Variants in SPAG16 observed in about 807,000 individuals in gnomAD.
The protein encoded by SPAG16 is sperm-associated antigen 16 protein.
Under a neutral mutation model 80.4 loss-of-function variants are expected in SPAG16, and 86 were observed. That is an observed-to-expected ratio of 1.07 (90% CI 0.90 to 1.28). SPAG16 has a LOEUF of 1.28. Among genes scored for constraint, SPAG16 ranks in the 50% most tolerant of loss-of-function variants. The probability of loss-of-function intolerance (pLI) is 0.00; values close to 1 mark genes in which losing one functional copy is unlikely to be tolerated. For missense variants in SPAG16, 870 were observed against 765.3 expected, an observed-to-expected ratio of 1.14 and a Z score of -1.61; for synonymous variants, 294 against 265.9, an observed-to-expected ratio of 1.11 and a Z score of -1.03.
chr2:213,709,570 C>CA (rs1038882231), intron 10 of SPAG16, among the ~76,000 whole-genome samples: 21 of 151,502 alleles, frequency 1.4e-4, no homozygotes, highest in Non-Finnish European at 1.2e-4. Context: ...ACACATACTA[C>CA]AAAAAATTCA....
At chr2:214,078,466 G>A (rs1292221262) in intron 13 of SPAG16, among the ~76,000 whole-genome samples, 4 of 149,860 alleles carry the variant, frequency 2.7e-5, no homozygotes, top group East Asian at 3.9e-4. Flanking sequence ...TGAGGTGGAA[G>A]GATTTCTTGA....
intron 10 of SPAG16, among the ~76,000 whole-genome samples, chr2:213,654,155 G>A (rs962879943): frequency 6.6e-6 from 1 of 151,988 alleles, no homozygotes; most frequent in Non-Finnish European, 1.5e-5. Context: ...CTCTTAAATT[G>A]CTTTAATTCA....
At chr2:213,453,042 G>T (rs2071794732) in intron 9 of SPAG16, among the ~76,000 whole-genome samples, 1 of 152,150 alleles carries the variant, frequency 6.6e-6, no homozygotes, top group Non-Finnish European at 1.5e-5. Context: ...TCTTAGGGAA[G>T]TTTTTCCTCT....
At chr2:213,910,865 A>C in intron 11 of SPAG16, among the ~76,000 whole-genome samples, 1 of 152,238 alleles carries the variant, frequency 6.6e-6, no homozygotes, top group East Asian at 1.9e-4. Flanking sequence ...TTTCCAAATA[A>C]AGACAGTAAG....
intron 10 of SPAG16, among the ~76,000 whole-genome samples, chr2:213,542,332 G>A (rs1054858772): frequency 2.6e-5 from 4 of 151,952 alleles, no homozygotes; most frequent in Admixed American, 6.6e-5. Flanking sequence ...TTTCTTCAGT[G>A]TTTTCTTATT....
At chr2:213,331,361 T>A (rs1233482910) in intron 5 of SPAG16, among the ~76,000 whole-genome samples, 1 of 152,216 alleles carries the variant, frequency 6.6e-6, no homozygotes, top group Non-Finnish European at 1.5e-5. Flanking sequence ...CATTATTTAA[T>A]GATAGAGCAG....
chr2:214,172,044 CAT>C (rs2125636450), intron 15 of SPAG16, among the ~76,000 whole-genome samples: 1 of 151,726 alleles, frequency 6.6e-6, no homozygotes, highest in South Asian at 2.1e-4. Flanking sequence ...AATTGCATCT[CAT>C]GTTACACATT....
intron 10 of SPAG16, among the ~76,000 whole-genome samples, chr2:213,794,341 T>G (rs1248752061): frequency 6.6e-6 from 1 of 152,122 alleles, no homozygotes; most frequent in Non-Finnish European, 1.5e-5. Context: ...TTGTACAGTT[T>G]TAATATATAA....
At chr2:214,110,866 C>T (rs576100015) in intron 14 of SPAG16, among the ~76,000 whole-genome samples, 2 of 152,296 alleles carry the variant, frequency 1.3e-5, no homozygotes, top group African/African-American at 4.8e-5. Context: ...TTTTGATTTG[C>T]ATTTCTCTGA....
At chr2:213,640,410 G>A (rs1002348678) in intron 10 of SPAG16, among the ~76,000 whole-genome samples, 1 of 152,160 alleles carries the variant, frequency 6.6e-6, no homozygotes, top group Non-Finnish European at 1.5e-5. Context: ...AGGAGCTGCT[G>A]TTCAGATTAT....
chr2:213,679,516 C>G (rs2064272610), intron 10 of SPAG16, among the ~76,000 whole-genome samples: 1 of 149,072 alleles, frequency 6.7e-6, no homozygotes, highest in South Asian at 2.1e-4. Flanking sequence ...TACCAGATGC[C>G]TTGAAACTGT....
At chr2:214,115,751 G>A (rs1042711410) in intron 14 of SPAG16, among the ~76,000 whole-genome samples, 4 of 151,904 alleles carry the variant, frequency 2.6e-5, no homozygotes, top group African/African-American at 9.7e-5. Context: ...GGTCTTGTGT[G>A]CCGGTAGTCC....
intron 11 of SPAG16, among the ~76,000 whole-genome samples, chr2:213,881,957 T>A (rs942587810): frequency 6.6e-6 from 1 of 152,200 alleles, no homozygotes; most frequent in South Asian, 2.1e-4. Flanking sequence ...CAGTATGAGG[T>A]TGGCTGTTGG....
chr2:214,250,747 TATATATATATAGAG>T (rs1189629167), intron 15 of SPAG16, among the ~76,000 whole-genome samples: 1,347 of 90,414 alleles, frequency 0.015, 22 homozygotes, highest in African/African-American at 0.04. Context: ...TATATATATA[TATATATATATAGAG>T]AGAGAGAGAG....
rs182960866 is a variant in SPAG16, at chr2:213,444,562, G to A, written c.943-45401G>A. Among the ~76,000 whole-genome samples, 8 of 152,270 alleles carry A rather than the reference G, an allele frequency of 5.3e-5. No homozygotes were observed. The East Asian group carries it at 1.4e-3, about 26-fold the overall frequency. Reference sequence around the variant, plus strand: ...AAACTTTTATATTTTGATAGGGATTGCATTAAATTTTGGGTAGTATGGGCA... The same window carrying A: ...AAACTTTTATATTTTGATAGGGATTACATTAAATTTTGGGTAGTATGGGCA... On this transcript the variant is annotated intron_variant, in intron 9 of 15. Coordinates refer to ENST00000331683, the MANE Select transcript of SPAG16 (RefSeq NM_024532.5).
At chr2:213,895,346 A>G (rs1237363054) in intron 11 of SPAG16, among the ~76,000 whole-genome samples, 1 of 151,982 alleles carries the variant, frequency 6.6e-6, no homozygotes, top group Non-Finnish European at 1.5e-5. Flanking sequence ...AATACTACCC[A>G]AAGTGATCTA....
chr2:214,134,271 C>T (rs1157726539), intron 14 of SPAG16, among the ~76,000 whole-genome samples: 1 of 152,150 alleles, frequency 6.6e-6, no homozygotes, highest in Non-Finnish European at 1.5e-5. Flanking sequence ...CTTGATCTTG[C>T]TCTTCCCTCT....
At chr2:213,386,417 T>C (rs1017353745) in intron 9 of SPAG16, among the ~76,000 whole-genome samples, 15 of 151,154 alleles carry the variant, frequency 9.9e-5, no homozygotes, top group African/African-American at 3.7e-4. Context: ...CCATTTTCCT[T>C]TAATTCTCAC....
At chr2:213,876,966 A>G (rs1307354193) in intron 11 of SPAG16, among the ~76,000 whole-genome samples, 2 of 152,152 alleles carry the variant, frequency 1.3e-5, no homozygotes, top group East Asian at 3.9e-4. Flanking sequence ...AGAAGAGAAA[A>G]CATGCTTAGC....
Sources: allele counts gnomAD v4.1 joint callset (sites outside exome capture counted in the v4.1 genomes callset), GRCh38; gene constraint gnomAD v4.1.1; transcripts MANE v1.5; gene names NCBI Gene and HGNC (gene_info 2026-07-23, HGNC 2026-07-21).